Variants in APOA4 observed in about 807,000 individuals in gnomAD.
APOA4 encodes the protein apolipoprotein A4.
Under a neutral mutation model 33.6 loss-of-function variants are expected in APOA4, and 25 were observed. The ratio of observed to expected loss-of-function variants is 0.74; its 90% CI spans 0.54 to 1.04. APOA4 has a LOEUF of 1.04. Ranked by LOEUF, APOA4 falls within the 50% of genes least tolerant of loss-of-function variation. The probability of loss-of-function intolerance (pLI) is 0.00; values close to 1 mark genes in which losing one functional copy is unlikely to be tolerated. For missense variants in APOA4, 549 were observed against 510.4 expected (o/e 1.08, Z -0.73); for synonymous variants, 228 against 224.0 (o/e 1.02, Z -0.16).
In APOA4 at chr11:116,821,120, T is replaced by C. The variant is rs760472018; in HGVS notation, c.938A>G (p.Asn313Ser). Residue 313 changes from asparagine (N) to serine (S), a missense_variant, in exon 3 of 3, where the codon AAC (asparagine) becomes AGC (serine). Coordinates refer to ENST00000357780, the MANE Select transcript of APOA4 (RefSeq NM_000482.4). ...FRRRVEPYGE[N>S]FNKALVQQME... is the part of the protein sequence containing the mutation. Reference sequence around the variant, plus strand: ...CTGCTGCACCAGGGCTTTGTTGAAGTTTTCCCCGTAGGGCTCCACCCGGCG... The same window carrying C: ...CTGCTGCACCAGGGCTTTGTTGAAGCTTTCCCCGTAGGGCTCCACCCGGCG... 3 of 1,613,912 alleles carry C rather than the reference T, an allele frequency of 1.9e-6. No individual in the cohort carries two copies. The highest frequency in any genetic ancestry group is 3.3e-5 in the Admixed American group (2 of 60,030).
intron 1 of APOA4, 32 bp downstream of exon 1, chr11:116,823,111 A>G: frequency 1.9e-6 from 3 of 1,613,282 alleles, no homozygotes; most frequent in Non-Finnish European, 2.5e-6. Context: ...GCAGCAGCCC[A>G]GGAGTGCCAT....
In APOA4 at chr11:116,821,555, A is replaced by T; in HGVS notation, c.503T>A (p.Leu168Gln). 6.2e-7 allele frequency: 1 copy of T among 1,612,276 alleles called. No homozygotes were observed. The highest frequency in any genetic ancestry group is 8.5e-7 in the Non-Finnish European group (1 of 1,179,972). The part of the protein sequence containing the change: ...TPYAQRMERV[L>Q]RENADSLQAS... ...CTGCAGGCTGTCGGCGTTCTCCCGC[A>T]GCACTCTCTCCATGCGCTGTGCGTA... Residue 168 changes from leucine (L) to glutamine (Q), a missense_variant, in exon 3 of 3, where the codon CTG becomes CAG. Physicochemically the swap from Leu to Gln is moderately radical, Grantham distance 113. Coordinates refer to ENST00000357780, the MANE Select transcript of APOA4 (RefSeq NM_000482.4).
chr11:116,821,117 A>G lies in APOA4; in HGVS notation c.941T>C (p.Phe314Ser). ...CATCTGCTGCACCAGGGCTTTGTTG[A>G]AGTTTTCCCCGTAGGGCTCCACCCG... ...RRRVEPYGEN[F>S]NKALVQQMEQ... is the part of the protein sequence containing the mutation. Residue 314 changes from phenylalanine (F) to serine (S), a missense_variant, in exon 3 of 3, where the codon TTC becomes TCC. Physicochemically the swap from Phe to Ser is radical, Grantham distance 155. Coordinates refer to ENST00000357780, the MANE Select transcript of APOA4 (RefSeq NM_000482.4). 1.2e-6 allele frequency: 2 copies of G among 1,613,872 alleles called. No homozygotes were observed. Among genetic ancestry groups the G allele is most frequent in the South Asian group, 2.2e-5 (2 of 91,082 alleles).
rs148203811 is a variant in APOA4, at chr11:116,821,055, C to T, written c.1003G>A (p.Asp335Asn). Residue 335 changes from aspartate (D) to asparagine (N), a missense_variant, in exon 3 of 3, where the codon GAC becomes AAC. By Grantham distance (23) the Asp-to-Asn change is conservative. Transcript: ENST00000357780. ...LRQKLGPHAG[D>N]VEGHLSFLEK... ...AGGAAGCTCAAGTGGCCTTCCACGT[C>T]CCCCGCATGGGGGCCCAGTTTCTGC... is the stretch of plus-strand genomic sequence containing the variant. 1 of 1,614,212 alleles carries T rather than the reference C, an allele frequency of 6.2e-7. No individual in the cohort carries two copies. Among genetic ancestry groups the T allele is most frequent in the African/African-American group, 1.3e-5 (1 of 75,058 alleles).
intron 1 of APOA4, 57 bp downstream of exon 1, chr11:116,823,086 C>G (rs1200829973): frequency 6.3e-7 from 1 of 1,598,794 alleles, no homozygotes; most frequent in African/African-American, 1.3e-5. Flanking sequence ...CAGCCTCCAT[C>G]CTGCACTACT....
In APOA4 at chr11:116,821,211, C is replaced by T. The variant is rs533482684; in HGVS notation, c.847G>A (p.Glu283Lys). The T allele has an allele frequency of 5.0e-6, 8 of 1,613,250 alleles. No individual in the cohort carries two copies. Among genetic ancestry groups the T allele is most frequent in the East Asian group, 2.2e-5 (1 of 44,882 alleles). The change falls in exon 3 of 3, where the codon GAG (glutamate) becomes AAG (lysine). Residue 283 changes from glutamate (E) to lysine (K), a missense_variant. Coordinates refer to ENST00000357780, the MANE Select transcript of APOA4 (RefSeq NM_000482.4). ...DVRGNLRGNT[E>K]GLQKSLAELG... The stretch of plus-strand genomic sequence containing the variant: ...TCTGCCAGTGACTTCTGCAGCCCCT[C>T]GGTGTTGCCCCTCAGGTTGCCACGC...
At position 116,823,129 on chromosome 11, in the gene APOA4, C is replaced by T. The variant is rs1409324580; in HGVS notation, c.49+14G>A. ...GCAGCCCAGGAGTGCCATCCAAAGA[C>T]AGCTTCTACTCACCGGCGACAGCCA... On this transcript the variant is annotated intron_variant, in intron 1 of 2. Transcript: ENST00000357780. 6.2e-7 allele frequency: 1 copy of T among 1,613,966 alleles called. No homozygotes were observed. Among genetic ancestry groups the T allele is most frequent in the Non-Finnish European group, 8.5e-7 (1 of 1,179,990 alleles).
At position 116,822,801 on chromosome 11, in the gene APOA4, G is replaced by C; in HGVS notation, c.50-16C>G. 1.9e-6 allele frequency: 3 copies of C among 1,614,004 alleles called. No individual in the cohort carries two copies. Among genetic ancestry groups the C allele is most frequent in the Non-Finnish European group, 2.5e-6 (3 of 1,180,048 alleles). ...GCCCTGGCTCCTGGGTGGTAACAGAGAGCAATTCATGAGGCCCCGTCTCCT... is the reference window on the plus strand; with the variant it reads ...GCCCTGGCTCCTGGGTGGTAACAGACAGCAATTCATGAGGCCCCGTCTCCT... On this transcript the variant is annotated splice_polypyrimidine_tract_variant and intron_variant, in intron 1 of 2. Transcript: ENST00000357780.
At chr11:116,823,019 G>T in intron 1 of APOA4, 124 bp downstream of exon 1, 1 of 1,413,836 alleles carries the variant, frequency 7.1e-7, no homozygotes, top group Non-Finnish European at 1.0e-6. Context: ...CAGCCAGGCA[G>T]ACCTCATGTC....
rs760897625 is a variant in APOA4, at chr11:116,821,375, T to G, written c.683A>C (p.Gln228Pro). The change falls in exon 3 of 3, where the codon CAG (glutamine) becomes CCG (proline). Residue 228 changes from glutamine to proline, a missense_variant. Gln to Pro is a moderately conservative substitution (Grantham distance 76, BLOSUM62 -1). Transcript: ENST00000357780. ...ELRRSLAPYA[Q>P]DTQEKLNHQL... ...GTGGTTGAGCTTCTCCTGCGTGTCC[T>G]GAGCATAGGGAGCCAGGCTGCGGCG... is the stretch of plus-strand genomic sequence containing the variant. 2 of 1,614,208 alleles carry G rather than the reference T, an allele frequency of 1.2e-6. No individual in the cohort carries two copies. The highest frequency in any genetic ancestry group is 1.7e-6 in the Non-Finnish European group (2 of 1,180,016).
rs1183779870 is a variant in APOA4, at chr11:116,821,798, A to C, written c.260T>G (p.Leu87Arg). Residue 87 changes from leucine to arginine, a missense_variant, in exon 3 of 3, where the codon CTG becomes CGG. By Grantham distance (102) the Leu-to-Arg change is moderately radical. Coordinates refer to ENST00000357780, the MANE Select transcript of APOA4 (RefSeq NM_000482.4). ...QKKLVPFATE[L>R]HERLAKDSEK... ...CGAGTCCTTGGCCAGGCGTTCATGC[A>C]GCTCGGTGGCAAAGGGCACCAGCTT... 5.6e-6 allele frequency: 9 copies of C among 1,599,302 alleles called. No individual in the cohort carries two copies. Among genetic ancestry groups the C allele is most frequent in the Non-Finnish European group, 7.7e-6 (9 of 1,166,552 alleles).
rs149339479 is a variant in APOA4, at chr11:116,821,615, G to T, written c.443C>A (p.Thr148Lys). The T allele has an allele frequency of 6.8e-6, 11 of 1,610,330 alleles. No homozygotes were observed. The highest frequency in any genetic ancestry group is 2.5e-6 in the Non-Finnish European group (3 of 1,178,808). Reference protein sequence around the residue: ...YADQLRTQVSTQAEQLRRQLT... With the variant: ...YADQLRTQVSKQAEQLRRQLT... The stretch of plus-strand genomic sequence containing the variant: ...CTGGCGCCGCAGCTGCTCGGCCTGC[G>T]TGCTGACCTGGGTGCGCAGCTGGTC... Residue 148 changes from threonine (T) to lysine (K), a missense_variant, in exon 3 of 3, where the codon ACG (threonine) becomes AAG (lysine). Thr to Lys is a moderately conservative substitution (Grantham distance 78). Transcript: ENST00000357780.
At chr11:116,822,426 T>C (rs563876767) in intron 2 of APOA4, among the ~76,000 whole-genome samples, 1 of 152,246 alleles carries the variant, frequency 6.6e-6, no homozygotes, top group African/African-American at 2.4e-5. Flanking sequence ...AATGATAGGA[T>C]GTGGCCATTT....
In APOA4 at chr11:116,820,824, G is replaced by A. The variant is rs1424496430; in HGVS notation, c.*43C>T. 6.2e-6 allele frequency: 10 copies of A among 1,604,706 alleles called. No homozygotes were observed. Among genetic ancestry groups the A allele is most frequent in the Non-Finnish European group, 8.5e-6 (10 of 1,175,498 alleles). On this transcript the variant is annotated 3_prime_UTR_variant, in exon 3 of 3. Transcript: ENST00000357780. Reference sequence around the variant, plus strand: ...AGACAGACAGACAGGTGGCAGGGCAGGGCAGGTGTCCACGAGGGTGGGGCC... The same window carrying A: ...AGACAGACAGACAGGTGGCAGGGCAAGGCAGGTGTCCACGAGGGTGGGGCC...
Position 116,821,426 on chromosome 11 carries a change from T to C in APOA4, c.632A>G (p.Lys211Arg). 1.2e-6 allele frequency: 2 copies of C among 1,614,186 alleles called. No homozygotes were observed. The highest frequency in any genetic ancestry group is 1.7e-6 in the Non-Finnish European group (2 of 1,180,014). ...LTPYADEFKV[K>R]IDQTVEELRR... is the part of the protein sequence containing the mutation. ...CAGCTCCTCCACGGTCTGGTCAATC[T>C]TGACTTTGAATTCGTCAGCGTAGGG... Residue 211 changes from lysine to arginine, a missense_variant, in exon 3 of 3, where the codon AAG (lysine) becomes AGG (arginine). Transcript: ENST00000357780.
At position 116,821,716 on chromosome 11, in the gene APOA4, C is replaced by A; in HGVS notation, c.342G>T (p.Leu114=). 8 of 1,555,114 alleles carry A rather than the reference C, an allele frequency of 5.1e-6. No individual in the cohort carries two copies. Among genetic ancestry groups the A allele is most frequent in the African/African-American group, 1.4e-5 (1 of 73,858 alleles). ...TCTGGCTCACCTCATTGGCATGGGG[C>A]AGCAGCCGGGCCCTCAGCTCCTCCA... ...KELEELRARL[L]PHANEVSQKI... is the part of the protein sequence containing the mutation. Residue 114 remains leucine, a synonymous_variant, in exon 3 of 3, where the codon CTG becomes CTT. Coordinates refer to ENST00000357780, the MANE Select transcript of APOA4 (RefSeq NM_000482.4).
Position 116,821,654 on chromosome 11 carries a change from A to G in APOA4, c.404T>C (p.Leu135Pro), listed in dbSNP as rs748316209. The change falls in exon 3 of 3, where the codon CTG becomes CCG. Residue 135 changes from leucine to proline, a missense_variant. Leu to Pro is a moderately conservative substitution (Grantham distance 98). Transcript: ENST00000357780. ...GDNLRELQQR[L>P]EPYADQLRTQ... ...GCGCAGCTGGTCCGCGTAGGGCTCC[A>G]GGCGCTGCTGAAGCTCTCGCAGGTT... 1 of 1,609,870 alleles carries G rather than the reference A, an allele frequency of 6.2e-7. No individual in the cohort carries two copies. Among genetic ancestry groups the G allele is most frequent in the East Asian group, 2.2e-5 (1 of 44,846 alleles).
chr11:116,822,261 A>G (rs1167859100), intron 2 of APOA4, among the ~76,000 whole-genome samples: 1 of 152,134 alleles, frequency 6.6e-6, no homozygotes, highest in Non-Finnish European at 1.5e-5. Flanking sequence ...GGGGTCTTCC[A>G]GTGGCACAAG....
In APOA4 at chr11:116,820,928, T is replaced by G. The variant is rs373185537; in HGVS notation, c.1130A>C (p.Gln377Pro). 6.2e-7 allele frequency: 1 copy of G among 1,614,086 alleles called. No homozygotes were observed. The highest frequency in any genetic ancestry group is 1.3e-5 in the African/African-American group (1 of 74,938). Residue 377 changes from glutamine to proline, a missense_variant, in exon 3 of 3, where the codon CAG becomes CCG. Coordinates refer to ENST00000357780, the MANE Select transcript of APOA4 (RefSeq NM_000482.4). ...CTGCTGCTGCTCCTGCTGCTGTTCC[T>G]GCTGTTGCTCCAGCTCAGGGAGGGA... ...TLSLPELEQQ[Q>P]EQQQEQQQEQ...
Sources: gnomAD v4.1 joint callset for allele counts (sites outside exome capture counted in the v4.1 genomes callset) on GRCh38, gnomAD v4.1.1 for gene constraint, MANE v1.5 for transcripts, NCBI Gene and HGNC (gene_info 2026-07-23, HGNC 2026-07-21) for gene names.